The following PRKG1 variants were observed in gnomAD, a reference collection of about 807,000 sequenced individuals.
PRKG1 encodes protein kinase cGMP-dependent 1.
In PRKG1, 35 loss-of-function variants were observed where a neutral mutation model predicts 88.1. The observed-to-expected ratio is 0.40, with a 90% CI of 0.30 to 0.53. The LOEUF is 0.53. Among genes scored for constraint, PRKG1 ranks in the 20% least tolerant of loss-of-function variants. PRKG1 has a pLI of 0.59. For synonymous variants in PRKG1, 303 were observed against 292.5 expected, an observed-to-expected ratio of 1.04 and a Z score of -0.37; for missense variants, 540 against 839.8, an observed-to-expected ratio of 0.64 and a Z score of 4.41.
At chr10:51,305,797 C>T (rs35467397) in intron 2 of PRKG1, among the ~76,000 whole-genome samples, 1 of 152,144 alleles carries the variant, frequency 6.6e-6, no homozygotes, top group Non-Finnish European at 1.5e-5. Flanking sequence ...ATATCATTTT[C>T]TTCCTAGAGA....
intron 2 of PRKG1, among the ~76,000 whole-genome samples, chr10:51,174,652 C>T (rs1434897941): frequency 5.9e-5 from 9 of 151,840 alleles, no homozygotes; most frequent in East Asian, 1.9e-4. Context: ...TTTTTGAGTC[C>T]GTTGTGGTGC....
chr10:51,962,524 A>T (rs942699740), intron 5 of PRKG1, among the ~76,000 whole-genome samples: 1 of 152,110 alleles, frequency 6.6e-6, no homozygotes, highest in Non-Finnish European at 1.5e-5. Flanking sequence ...TATATAAGCC[A>T]CGATGGATTT....
At chr10:51,755,174 T>C (rs1234311140) in intron 3 of PRKG1, among the ~76,000 whole-genome samples, 1 of 152,198 alleles carries the variant, frequency 6.6e-6, no homozygotes, top group East Asian at 1.9e-4. Flanking sequence ...CTCTGAAATT[T>C]CCAGCCAATT....
chr10:51,450,047 G>A (rs1260555179), intron 2 of PRKG1, among the ~76,000 whole-genome samples: 1 of 151,916 alleles, frequency 6.6e-6, no homozygotes, highest in Non-Finnish European at 1.5e-5. Context: ...GTTTGGAAGG[G>A]ACATATTATT....
At chr10:51,423,333 G>A (rs293323) in intron 2 of PRKG1, among the ~76,000 whole-genome samples, 107,090 of 152,064 alleles carry the variant, frequency 0.7, 38,068 homozygotes, top group Non-Finnish European at 0.77. Flanking sequence ...TTGCAATTGC[G>A]TATTTAAAAC....
chr10:52,071,971 CT>C (rs1472397626), intron 7 of PRKG1, among the ~76,000 whole-genome samples: 2 of 151,910 alleles, frequency 1.3e-5, no homozygotes, highest in Non-Finnish European at 2.9e-5. Flanking sequence ...CTGCGTGTGC[CT>C]TTTGTGTCGA....
intron 2 of PRKG1, among the ~76,000 whole-genome samples, chr10:51,301,133 T>G (rs1208173843): frequency 1.3e-5 from 2 of 152,148 alleles, no homozygotes; most frequent in Non-Finnish European, 1.5e-5. Context: ...AGCAACAGAT[T>G]AGTGAAAGAA....
intron 1 of PRKG1, among the ~76,000 whole-genome samples, chr10:51,038,292 T>G (rs553166622): frequency 6.6e-6 from 1 of 152,350 alleles, no homozygotes; most frequent in Admixed American, 6.5e-5. Context: ...GGGTCTCTAT[T>G]ACCTCAAGCA....
chr10:51,744,065 C>T (rs886415364), intron 3 of PRKG1, among the ~76,000 whole-genome samples: 4 of 151,672 alleles, frequency 2.6e-5, no homozygotes, highest in Non-Finnish European at 4.4e-5. Context: ...TACTGTAAAC[C>T]ACCAACATTC....
intron 2 of PRKG1, among the ~76,000 whole-genome samples, chr10:51,278,106 T>C (rs1314659662): frequency 6.6e-6 from 1 of 152,202 alleles, no homozygotes. Context: ...TAAATAGCTC[T>C]TATCATTTGG....
At chr10:52,018,385 G>A (rs1312652912) in intron 5 of PRKG1, among the ~76,000 whole-genome samples, 1 of 152,064 alleles carries the variant, frequency 6.6e-6, no homozygotes, top group Admixed American at 6.6e-5. Context: ...TTGTTGAATA[G>A]GTTTTTTATG....
intron 3 of PRKG1, among the ~76,000 whole-genome samples, chr10:51,677,069 G>A (rs1840728842): frequency 6.6e-6 from 1 of 152,078 alleles, no homozygotes; most frequent in South Asian, 2.1e-4. Flanking sequence ...CTCAGAAGTA[G>A]CCACTGTCCT....
chr10:52,149,879 G>C (rs1381039308), intron 8 of PRKG1, among the ~76,000 whole-genome samples: 1 of 152,032 alleles, frequency 6.6e-6, no homozygotes, highest in African/African-American at 2.4e-5. Flanking sequence ...GGCTGTGATG[G>C]CTCATGCCAC....
chr10:52,173,969 T>C (rs1258247969), intron 9 of PRKG1, among the ~76,000 whole-genome samples: 1 of 152,156 alleles, frequency 6.6e-6, no homozygotes, highest in Non-Finnish European at 1.5e-5. Flanking sequence ...TTTGTTGAAA[T>C]GACCCTGAAA....
chr10:51,495,864 A>T (rs148748591), intron 3 of PRKG1, among the ~76,000 whole-genome samples: 3 of 152,324 alleles, frequency 2.0e-5, no homozygotes, highest in African/African-American at 7.2e-5. Flanking sequence ...GATTGAGGGG[A>T]TAGTTGTTAT....
intron 3 of PRKG1, among the ~76,000 whole-genome samples, chr10:51,788,351 C>T (rs193183669): frequency 6.6e-6 from 1 of 152,220 alleles, no homozygotes; most frequent in East Asian, 1.9e-4. Context: ...CTAGAAAAAT[C>T]ACAAGAAGGA....
At chr10:51,075,390 G>T (rs754992331) in intron 1 of PRKG1, among the ~76,000 whole-genome samples, 1 of 152,142 alleles carries the variant, frequency 6.6e-6, no homozygotes, top group Non-Finnish European at 1.5e-5. Flanking sequence ...CTTCACGCTG[G>T]TACCCTTCAA....
intron 9 of PRKG1, among the ~76,000 whole-genome samples, chr10:52,241,540 G>T (rs1840862385): frequency 6.6e-6 from 1 of 152,048 alleles, no homozygotes; most frequent in Non-Finnish European, 1.5e-5. Context: ...TCCACACATT[G>T]CATTATACTG....
At chr10:51,727,452 C>T (rs763503484) in intron 3 of PRKG1, among the ~76,000 whole-genome samples, 11 of 152,122 alleles carry the variant, frequency 7.2e-5, no homozygotes, top group Non-Finnish European at 1.3e-4. Context: ...TCACTCTTAG[C>T]AGACTGCTAT....
Sources: gnomAD v4.1 joint callset for allele counts (sites outside exome capture counted in the v4.1 genomes callset) on GRCh38, gnomAD v4.1.1 for gene constraint, MANE v1.5 for transcripts, NCBI Gene and HGNC (gene_info 2026-07-23, HGNC 2026-07-21) for gene names.